The following DNAJC6 variants were observed in gnomAD, a reference collection of about 807,000 sequenced individuals.
DNAJC6 encodes auxilin.
DNAJC6 carries 34 observed loss-of-function variants against 110.0 expected under a neutral mutation model. That is an observed-to-expected ratio of 0.31 (90% CI 0.24 to 0.41). The LOEUF (loss-of-function observed/expected upper bound fraction) is 0.41. Among genes scored for constraint, DNAJC6 ranks in the 10% least tolerant of loss-of-function variants. The probability of loss-of-function intolerance (pLI) is 1.00; values close to 1 mark genes in which losing one functional copy is unlikely to be tolerated. For synonymous variants in DNAJC6, 406 were observed against 437.2 expected (o/e 0.93, Z 0.89); for missense variants, 1,031 against 1,207.8 (o/e 0.85, Z 2.17).
intron 1 of DNAJC6, among the ~76,000 whole-genome samples, chr1:65,328,644 C>T (rs920252737): frequency 2.0e-5 from 3 of 152,364 alleles, no homozygotes; most frequent in East Asian, 1.9e-4. Context: ...GCCATCCACA[C>T]CTGCCACTAT....
chr1:65,326,403 A>T (rs138123794), intron 1 of DNAJC6, among the ~76,000 whole-genome samples: 1 of 152,318 alleles, frequency 6.6e-6, no homozygotes, highest in East Asian at 1.9e-4. Flanking sequence ...GTCTTGAAGG[A>T]TGGGTAGGAT....
At chr1:65,271,692 C>A (rs1653510650) in intron 1 of DNAJC6, among the ~76,000 whole-genome samples, 1 of 151,750 alleles carries the variant, frequency 6.6e-6, no homozygotes, top group South Asian at 2.1e-4. Flanking sequence ...CATGGTGAAA[C>A]CCTGTCTCTA....
intron 1 of DNAJC6, among the ~76,000 whole-genome samples, chr1:65,291,913 C>T (rs1005178864): frequency 2.0e-5 from 3 of 152,158 alleles, no homozygotes; most frequent in Non-Finnish European, 2.9e-5. Flanking sequence ...TTCGTTCCTA[C>T]TTTCCTCTCT....
At chr1:65,369,411 T>A (rs1293842098) in intron 4 of DNAJC6, among the ~76,000 whole-genome samples, 1 of 152,240 alleles carries the variant, frequency 6.6e-6, no homozygotes, top group African/African-American at 2.4e-5. Flanking sequence ...TTTCTTTGTT[T>A]TTACCTTTCA....
rs1570186756 is a variant in DNAJC6, at chr1:65,266,855, C to G, written c.-131+1923C>G. Among the ~76,000 whole-genome samples the G allele has an allele frequency of 2.6e-5, 4 of 151,932 alleles. 1 individual carries two copies. Among genetic ancestry groups the G allele is most frequent in the Admixed American group, 2.6e-4 (4 of 15,272 alleles). ...TCTCAGTGTATCAGTGTGTTTTAAG[C>G]TCAGATCCCCAGCCTTTTTCTAAGG... On this transcript the variant is annotated intron_variant, in intron 1 of 19. Coordinates refer to the DNAJC6 transcript ENST00000263441.
At position 65,289,386 on chromosome 1, in the gene DNAJC6, G is replaced by A. The variant is rs140070152; in HGVS notation, c.-131+24454G>A. Among the ~76,000 whole-genome samples, 1,049 of 152,166 alleles carry A rather than the reference G, an allele frequency of 6.9e-3. 14 individuals are homozygous for A. Among genetic ancestry groups the A allele is most frequent in the African/African-American group, 0.023 (949 of 41,514 alleles). On this transcript the variant is annotated intron_variant, in intron 1 of 19. Coordinates refer to the DNAJC6 transcript ENST00000263441. ...AATCTTTTGTATTTTTAGTAGAGACGGGGTTTTGCCGTGTTGGCCAAGCTG... is the reference window on the plus strand; with the variant it reads ...AATCTTTTGTATTTTTAGTAGAGACAGGGTTTTGCCGTGTTGGCCAAGCTG...
chr1:65,406,818 A>G (rs1331056872), intron 16 of DNAJC6, among the ~76,000 whole-genome samples: 3 of 152,146 alleles, frequency 2.0e-5, no homozygotes, highest in African/African-American at 7.2e-5. Flanking sequence ...TACATTTTAT[A>G]TTTCAGCTGA....
chr1:65,280,317 A>G (rs1340435782), intron 1 of DNAJC6, among the ~76,000 whole-genome samples: 1 of 152,074 alleles, frequency 6.6e-6, no homozygotes, highest in African/African-American at 2.4e-5. Flanking sequence ...CTGAGTTCAG[A>G]TTATTCATAT....
At chr1:65,411,534 A>C (rs1646128682) in intron 18 of DNAJC6, 108 bp downstream of exon 18, 2 of 1,052,738 alleles carry the variant, frequency 1.9e-6, no homozygotes, top group Admixed American at 2.8e-5. Flanking sequence ...ATTTTTAATA[A>C]AATTAAGTCA....
At chr1:65,279,637 T>C (rs1005972782) in intron 1 of DNAJC6, 1 of 152,214 alleles carries the variant, frequency 6.6e-6, no homozygotes, top group Non-Finnish European at 1.5e-5. Context: ...CCTGGCTTCA[T>C]TTTACATTCT....
At chr1:65,349,093 T>TACATATATAAAA (rs1317721217) in intron 1 of DNAJC6, among the ~76,000 whole-genome samples, 1 of 144,068 alleles carries the variant, frequency 6.9e-6, no homozygotes, top group African/African-American at 2.5e-5. Context: ...TATATGTAAA[T>TACATATATAAAA]ATATATATAA....
At chr1:65,318,500 A>G (rs1373580517) in intron 1 of DNAJC6, among the ~76,000 whole-genome samples, 1 of 152,220 alleles carries the variant, frequency 6.6e-6, no homozygotes, top group African/African-American at 2.4e-5. Context: ...CTGAGTAAAC[A>G]CAGATTCCCT....
chr1:65,405,745 G>T (rs1401012352), intron 15 of DNAJC6, 125 bp from the exon 16 acceptor site: 7 of 1,152,984 alleles, frequency 6.1e-6, no homozygotes, highest in Non-Finnish European at 8.5e-6. Context: ...ATCTATATTA[G>T]GAAGATTACT....
At chr1:65,280,306 A>G (rs1206009819) in intron 1 of DNAJC6, among the ~76,000 whole-genome samples, 2 of 152,172 alleles carry the variant, frequency 1.3e-5, no homozygotes, top group Non-Finnish European at 2.9e-5. Flanking sequence ...TATATAATGT[A>G]CTGAGTTCAG....
intron 17 of DNAJC6, 25 bp from the exon 18 acceptor site, chr1:65,411,225 T>A: frequency 6.3e-7 from 1 of 1,598,724 alleles, no homozygotes; most frequent in Non-Finnish European, 8.6e-7. Context: ...GCATTTGAAT[T>A]TCTTAATCCC....
At chr1:65,289,489 A>G (rs189180777) in intron 1 of DNAJC6, among the ~76,000 whole-genome samples, 1 of 152,122 alleles carries the variant, frequency 6.6e-6, no homozygotes, top group Non-Finnish European at 1.5e-5. Context: ...CCACTGCACC[A>G]GGCCAGTCAT....
upstream of DNAJC6, among the ~76,000 whole-genome samples, chr1:65,307,974 C>T (rs1283600790): frequency 3.9e-5 from 6 of 152,188 alleles, no homozygotes; most frequent in African/African-American, 1.4e-4. Flanking sequence ...CCCAGAAGGA[C>T]TGGAAGGATT....
intron 1 of DNAJC6, among the ~76,000 whole-genome samples, chr1:65,359,161 G>A (rs895554294): frequency 6.6e-5 from 10 of 152,122 alleles, no homozygotes; most frequent in African/African-American, 2.4e-4. Flanking sequence ...AATGACTATT[G>A]AATCATCTCA....
At position 65,414,657 on chromosome 1, in the gene DNAJC6, G is replaced by A. The variant is rs970487168; in HGVS notation, c.*1632G>A. The A allele has an allele frequency of 3.9e-5, 6 of 152,520 alleles. No individual in the cohort carries two copies. The highest frequency in any genetic ancestry group is 1.3e-4 in the Admixed American group (2 of 15,268). 9.4% of individuals were successfully genotyped at this position (152,520 alleles called of 1,614,324 possible). A position where few individuals can be genotyped will look rare whatever the true frequency, so the allele number is the denominator to read the frequency against. ...ACCTTTTACTGACAATGTGAAACTC[G>A]AAGAAAATGTTCTCTTTTTAAATAT... On this transcript the variant is annotated 3_prime_UTR_variant, in exon 19 of 19. Transcript: ENST00000371069.
Sources: gnomAD v4.1 joint callset for allele counts (sites outside exome capture counted in the v4.1 genomes callset) on GRCh38, gnomAD v4.1.1 for gene constraint, MANE v1.5 for transcripts, NCBI Gene and HGNC (gene_info 2026-07-23, HGNC 2026-07-21) for gene names.